NRXN1: variants seen among roughly 807,000 people sequenced by gnomAD.
NRXN1 encodes the protein neurexin 1.
Under a neutral mutation model 150.9 loss-of-function variants are expected in NRXN1, and 39 were observed. The ratio of observed to expected loss-of-function variants is 0.26; its 90% CI spans 0.20 to 0.34. The LOEUF (loss-of-function observed/expected upper bound fraction) is 0.34. Among genes scored for constraint, NRXN1 ranks in the 10% least tolerant of loss-of-function variants. The pLI, the probability that NRXN1 is intolerant of heterozygous loss-of-function variation, is 1.00. For missense variants in NRXN1, 1,815 were observed against 1,949.9 expected, an observed-to-expected ratio of 0.93 and a Z score of 1.30; for synonymous variants, 924 against 757.0, an observed-to-expected ratio of 1.22 and a Z score of -3.62.
At chr2:50,481,014 T>G (rs771675042) in intron 15 of NRXN1, among the ~76,000 whole-genome samples, 4 of 152,224 alleles carry the variant, frequency 2.6e-5, no homozygotes, top group Non-Finnish European at 4.4e-5. Flanking sequence ...TATATCTGGT[T>G]TTTGCCTGTT....
chr2:50,315,060 G>A (rs900323777), intron 17 of NRXN1, among the ~76,000 whole-genome samples: 4 of 151,802 alleles, frequency 2.6e-5, no homozygotes, highest in African/African-American at 7.3e-5. Context: ...TAACCAGTTC[G>A]GTGTATATTC....
At chr2:50,620,880 T>C (rs1679887620) in intron 7 of NRXN1, 1 of 275,222 alleles carries the variant, frequency 3.6e-6, no homozygotes, top group Non-Finnish European at 6.7e-6. Flanking sequence ...AAATCAAGTT[T>C]CCATGCCATG....
chr2:50,389,592 C>T (rs563477812), intron 17 of NRXN1, among the ~76,000 whole-genome samples: 2 of 151,962 alleles, frequency 1.3e-5, no homozygotes, highest in South Asian at 2.1e-4. Flanking sequence ...TTTTCAAGGC[C>T]TCTCAGAGGT....
intron 2 of NRXN1, among the ~76,000 whole-genome samples, chr2:51,000,987 C>A (rs908540494): frequency 2.0e-5 from 3 of 151,812 alleles, no homozygotes. Flanking sequence ...GGGCATAAAG[C>A]GCTGGAGTTG....
intron 21 of NRXN1, among the ~76,000 whole-genome samples, chr2:50,004,985 G>A (rs1684526077): frequency 6.6e-6 from 1 of 152,058 alleles, no homozygotes; most frequent in Admixed American, 6.6e-5. Context: ...CATCATGAGG[G>A]CCCAACAGTT....
At chr2:50,656,242 A>C (rs1168470714) in intron 5 of NRXN1, 14 of 604,250 alleles carry the variant, frequency 2.3e-5, no homozygotes, top group Non-Finnish European at 4.3e-5. Context: ...CTTAAAGTCT[A>C]ATCATGCCCC....
At chr2:50,894,234 T>TATG (rs1681553830) in intron 5 of NRXN1, among the ~76,000 whole-genome samples, 9 of 131,912 alleles carry the variant, frequency 6.8e-5, no homozygotes, top group African/African-American at 2.5e-4. Context: ...AAACTTAAAG[T>TATG]ATAATAATAA....
intron 9 of NRXN1, among the ~76,000 whole-genome samples, chr2:50,549,768 G>T (rs188076315): frequency 1.3e-5 from 2 of 152,082 alleles, no homozygotes; most frequent in African/African-American, 4.8e-5. Flanking sequence ...GAAGATTAAA[G>T]TATTTATCTG....
intron 8 of NRXN1, among the ~76,000 whole-genome samples, chr2:50,598,481 T>C (rs950160190): frequency 3.3e-5 from 5 of 151,354 alleles, no homozygotes; most frequent in Non-Finnish European, 5.9e-5. Context: ...CTAAATAGCA[T>C]GTGTAAAATG....
intron 17 of NRXN1, among the ~76,000 whole-genome samples, chr2:50,348,907 C>T (rs1345995437): frequency 1.3e-5 from 2 of 151,902 alleles, no homozygotes; most frequent in African/African-American, 4.8e-5. Context: ...TGATTTCTCA[C>T]TAGCTTCTCA....
chr2:50,018,584 T>G (rs1374620057), intron 21 of NRXN1, among the ~76,000 whole-genome samples: 1 of 152,212 alleles, frequency 6.6e-6, no homozygotes, highest in Admixed American at 6.5e-5. Context: ...ATTACATCTT[T>G]TTGGGAAAAG....
chr2:50,609,033 T>C (rs761143778), intron 8 of NRXN1, among the ~76,000 whole-genome samples: 29 of 152,108 alleles, frequency 1.9e-4, no homozygotes, highest in Non-Finnish European at 3.2e-4. Flanking sequence ...GATAGCAAAA[T>C]GGAAAGCACA....
chr2:50,356,935 A>T (rs1407000079), intron 17 of NRXN1, among the ~76,000 whole-genome samples: 1 of 151,698 alleles, frequency 6.6e-6, no homozygotes, highest in Admixed American at 6.6e-5. Flanking sequence ...TAGACTTAAG[A>T]TTTTTTTTTA....
chr2:51,026,438 C>G (rs201945811), intron 2 of NRXN1: 1 of 1,604,938 alleles, frequency 6.2e-7, no homozygotes, highest in East Asian at 2.2e-5. Flanking sequence ...GTAACAGCAC[C>G]GGCAAAACAC....
chr2:50,332,548 C>A (rs1056973968), intron 17 of NRXN1, among the ~76,000 whole-genome samples: 4 of 152,176 alleles, frequency 2.6e-5, no homozygotes, highest in Non-Finnish European at 5.9e-5. Context: ...AACCATCTTG[C>A]CAGCTAGGCA....
chr2:50,908,635 G>A (rs1684077945), intron 5 of NRXN1, among the ~76,000 whole-genome samples: 1 of 150,218 alleles, frequency 6.7e-6, no homozygotes, highest in African/African-American at 2.5e-5. Flanking sequence ...ATAAAATATG[G>A]AAGAGAAAAA....
chr2:50,040,054 G>T (rs1028202135), intron 21 of NRXN1, among the ~76,000 whole-genome samples: 1 of 152,048 alleles, frequency 6.6e-6, no homozygotes, highest in Non-Finnish European at 1.5e-5. Context: ...GGTCTTCATT[G>T]TTTTCCACTT....
intron 18 of NRXN1, among the ~76,000 whole-genome samples, chr2:50,233,546 C>T (rs2065156110): frequency 6.6e-6 from 1 of 152,018 alleles, no homozygotes; most frequent in African/African-American, 2.4e-5. Context: ...TGGAGCATCT[C>T]TTAATGCAAT....
intron 5 of NRXN1, among the ~76,000 whole-genome samples, chr2:50,802,162 C>T (rs1017860534): frequency 2.0e-5 from 3 of 152,106 alleles, no homozygotes; most frequent in Admixed American, 1.3e-4. Flanking sequence ...CACTGATGTC[C>T]TAACCCTCAG....
Sources: gnomAD v4.1 joint callset for allele counts (sites outside exome capture counted in the v4.1 genomes callset) on GRCh38, gnomAD v4.1.1 for gene constraint, MANE v1.5 for transcripts, NCBI Gene and HGNC (gene_info 2026-07-23, HGNC 2026-07-21) for gene names.